Variants in HPCAL1 observed in about 807,000 individuals in gnomAD.
HPCAL1 encodes hippocalcin-like protein 1.
A neutral mutation model predicts 17.1 loss-of-function variants in HPCAL1; 8 were observed. The observed-to-expected ratio is 0.47, with a 90% confidence interval of 0.27 to 0.84. HPCAL1 has a LOEUF of 0.84. HPCAL1 is among the 40% of genes least tolerant of loss of function. HPCAL1 has a pLI of 0.13. For missense variants in HPCAL1, 165 were observed against 271.1 expected (o/e 0.61, Z 2.75); for synonymous variants, 112 against 111.4 (o/e 1.01, Z -0.03).
In HPCAL1 at chr2:10,404,327, G is replaced by T. The variant is rs552131373; in HGVS notation, c.-25+7407G>T. On this transcript the variant is annotated intron_variant, in intron 2 of 4. Coordinates refer to ENST00000307845, the MANE Select transcript of HPCAL1 (RefSeq NM_002149.4). Reference sequence around the variant, plus strand: ...GCCCTTTTGCCTCCCAGCACACTGAGGATTCCTCCTGGAATGCCCCTCACC... The same window carrying T: ...GCCCTTTTGCCTCCCAGCACACTGATGATTCCTCCTGGAATGCCCCTCACC... Among the ~76,000 whole-genome samples, 3 of 152,244 alleles carry T rather than the reference G, an allele frequency of 2.0e-5. No homozygotes were observed. The South Asian group carries it at 6.2e-4, about 32-fold the overall frequency.
chr2:10,314,643 A>G (rs938244029), intron 1 of HPCAL1, among the ~76,000 whole-genome samples: 3 of 152,266 alleles, frequency 2.0e-5, no homozygotes, highest in South Asian at 2.1e-4. Flanking sequence ...TGATGTCTTT[A>G]TGTTCGTCTT....
At chr2:10,411,286 A>T (rs2125615047) in intron 2 of HPCAL1, among the ~76,000 whole-genome samples, 1 of 152,250 alleles carries the variant, frequency 6.6e-6, no homozygotes, top group Admixed American at 6.5e-5. Context: ...AATGGGAAGG[A>T]GGTGGGCTCT....
intron 1 of HPCAL1, among the ~76,000 whole-genome samples, chr2:10,392,958 C>T (rs1668802120): frequency 6.6e-6 from 1 of 152,202 alleles, no homozygotes; most frequent in African/African-American, 2.4e-5. Flanking sequence ...CTTCTAACCT[C>T]CTCTCCCAAG....
At chr2:10,381,081 C>T (rs1196196517) in intron 1 of HPCAL1, among the ~76,000 whole-genome samples, 3 of 152,220 alleles carry the variant, frequency 2.0e-5, no homozygotes, top group Admixed American at 6.5e-5. Flanking sequence ...ACAGAGGCAG[C>T]CCCGGAGTTC....
intron 1 of HPCAL1, among the ~76,000 whole-genome samples, chr2:10,327,225 C>A (rs1664072233): frequency 6.6e-6 from 1 of 152,152 alleles, no homozygotes; most frequent in African/African-American, 2.4e-5. Flanking sequence ...GAGAACTTTG[C>A]CTTGTTTGCA....
intron 1 of HPCAL1, among the ~76,000 whole-genome samples, chr2:10,364,793 C>T (rs1337706798): frequency 6.6e-6 from 1 of 152,120 alleles, no homozygotes; most frequent in Non-Finnish European, 1.5e-5. Flanking sequence ...CCATGTTGCC[C>T]AGGCTGGTCT....
In HPCAL1 at chr2:10,336,157, T is replaced by G. The variant is rs372231891; in HGVS notation, c.-111+32980T>G. On this transcript the variant is annotated intron_variant, in intron 1 of 4. Transcript: ENST00000307845. ...CCTCTGCTGTAAATTAATTGCATGT[T>G]CGTATCCTCTGCTGTAAATTAATTG... 1.1e-3 allele frequency among the ~76,000 whole-genome samples: 157 copies of G among 141,814 alleles called. 3 individuals are homozygous for G. Among genetic ancestry groups the G allele is most frequent in the South Asian group, 5.4e-3 (20 of 3,714 alleles). 93.0% of individuals were successfully genotyped at this position (141,814 alleles called of 152,430 possible).
chr2:10,351,911 C>CT (rs532441714), intron 1 of HPCAL1, among the ~76,000 whole-genome samples: 50,271 of 139,352 alleles, frequency 0.36, 9,594 homozygotes, highest in South Asian at 0.6. Flanking sequence ...TTCTTTCTTT[C>CT]TTTTTTTTTT....
At chr2:10,317,860 C>T (rs1663418892) in intron 1 of HPCAL1, among the ~76,000 whole-genome samples, 1 of 152,372 alleles carries the variant, frequency 6.6e-6, no homozygotes, top group Middle Eastern at 3.4e-3. Context: ...CAAGGGGGCC[C>T]TGGGCTCACC....
intron 1 of HPCAL1, among the ~76,000 whole-genome samples, chr2:10,396,425 G>GT (rs1049768260): frequency 2.2e-4 from 33 of 152,222 alleles, no homozygotes; most frequent in African/African-American, 7.7e-4. Flanking sequence ...GGTGCAGAGT[G>GT]TAGAGTGCTG....
chr2:10,341,105 T>G (rs7557360), intron 1 of HPCAL1, among the ~76,000 whole-genome samples: 31,705 of 151,944 alleles, frequency 0.21, 4,008 homozygotes, highest in African/African-American at 0.35. Context: ...TGGCTGTCCT[T>G]CGCGATTTTT....
At position 10,424,496 on chromosome 2, in the gene HPCAL1, A is replaced by G. The variant is rs569542350; in HGVS notation, c.484+1408A>G. ...CTTTTAGCAGGGCTTGCACTCCACA[A>G]ATAATGGCTGTTGTTCCCAACTTCA... On this transcript the variant is annotated intron_variant, in intron 4 of 4. Coordinates refer to ENST00000307845, the MANE Select transcript of HPCAL1 (RefSeq NM_002149.4). 9.1e-4 allele frequency: 429 copies of G among 470,968 alleles called. 7 individuals are homozygous for G. Among genetic ancestry groups the G allele is most frequent in the South Asian group, 6.4e-3 (415 of 64,574 alleles). 29.2% of individuals were successfully genotyped at this position (470,968 alleles called of 1,614,324 possible).
chr2:10,393,440 A>G (rs959609112), intron 1 of HPCAL1, among the ~76,000 whole-genome samples: 1 of 152,198 alleles, frequency 6.6e-6, no homozygotes, highest in Non-Finnish European at 1.5e-5. Flanking sequence ...CAGCTCATCC[A>G]CTTTGTCACA....
intron 2 of HPCAL1, among the ~76,000 whole-genome samples, chr2:10,418,071 G>A (rs1176997310): frequency 6.6e-6 from 1 of 151,662 alleles, no homozygotes; most frequent in South Asian, 2.1e-4. Context: ...TAGATAGATT[G>A]ATTGATTGAT....
chr2:10,382,137 A>G (rs1487092703), intron 1 of HPCAL1, among the ~76,000 whole-genome samples: 1 of 152,194 alleles, frequency 6.6e-6, no homozygotes, highest in African/African-American at 2.4e-5. Context: ...ATGAAAAGAC[A>G]TGGGGGAACT....
chr2:10,318,775 C>A (rs1344497087), intron 1 of HPCAL1, among the ~76,000 whole-genome samples: 1 of 152,166 alleles, frequency 6.6e-6, no homozygotes, highest in Non-Finnish European at 1.5e-5. Flanking sequence ...TGACCCACTC[C>A]CTTGCAGTGT....
rs548053661 is a variant in HPCAL1 at position 10,331,343 on chromosome 2, C to T, written c.-111+28166C>T. Among the ~76,000 whole-genome samples, 3 of 152,280 alleles carry T rather than the reference C, an allele frequency of 2.0e-5. No individual in the cohort carries two copies. The highest frequency in any genetic ancestry group is 1.9e-4 in the East Asian group (1 of 5,164). On this transcript the variant is annotated intron_variant, in intron 1 of 4. Coordinates refer to ENST00000307845, the MANE Select transcript of HPCAL1 (RefSeq NM_002149.4). The surrounding 1 kb of genome is among the most constrained non-coding windows in gnomAD (Gnocchi z 5.0). ...CTCTCCTTCCTCACCTCGCCACCTA[C>T]GCATCGTCACCCCTCCTCCTGCGTT... is the stretch of plus-strand genomic sequence containing the variant.
chr2:10,323,582 C>T lies in HPCAL1; in HGVS notation c.-111+20405C>T, dbSNP rs1663808682. Among the ~76,000 whole-genome samples, 1 of 152,224 alleles carries T rather than the reference C, an allele frequency of 6.6e-6. No homozygotes were observed. Among genetic ancestry groups the T allele is most frequent in the African/African-American group, 2.4e-5 (1 of 41,448 alleles). ...TGTACCCTTTACCCTGGAGCTGGCC[C>T]CATCTCTCACAGCCCAGTGGTGTAC... On this transcript the variant is annotated intron_variant, in intron 1 of 4. Coordinates refer to ENST00000307845, the MANE Select transcript of HPCAL1 (RefSeq NM_002149.4). The surrounding 1 kb of genome is among the most constrained non-coding windows in gnomAD (Gnocchi z 4.6).
intron 1 of HPCAL1, among the ~76,000 whole-genome samples, chr2:10,364,342 G>T (rs1417510348): frequency 1.3e-5 from 2 of 152,206 alleles, no homozygotes; most frequent in African/African-American, 4.8e-5. Flanking sequence ...GAGAGGTGAG[G>T]GTGAGGCCCC....
Sources: gnomAD v4.1 joint callset for allele counts (sites outside exome capture counted in the v4.1 genomes callset) on GRCh38, gnomAD v4.1.1 for gene constraint, Gnocchi (gnomAD v3.1) non-coding constraint, MANE v1.5 for transcripts, NCBI Gene and HGNC (gene_info 2026-07-23, HGNC 2026-07-21) for gene names.